ZNF217: variants seen among roughly 807,000 people sequenced by gnomAD.
The protein encoded by ZNF217 is zinc finger protein 217.
In ZNF217, 12 loss-of-function variants were observed where a neutral mutation model predicts 73.3. That is an observed-to-expected ratio of 0.16 (90% CI 0.10 to 0.27). The LOEUF (loss-of-function observed/expected upper bound fraction) is 0.27, where lower values mean the gene tolerates loss of function less well. ZNF217 is among the 10% of genes least tolerant of loss of function. ZNF217 has a pLI of 1.00. For missense variants in ZNF217, 1,195 were observed against 1,327.8 expected, an observed-to-expected ratio of 0.90 and a Z score of 1.55; for synonymous variants, 588 against 516.4, an observed-to-expected ratio of 1.14 and a Z score of -1.88.
chr20:53,592,615 C>G (rs1485437190), intron 1 of ZNF217, among the ~76,000 whole-genome samples: 1 of 147,004 alleles, frequency 6.8e-6, no homozygotes, highest in Non-Finnish European at 1.5e-5. Context: ...TTCTCAAACT[C>G]CCGGGACCCA....
At position 53,576,545 on chromosome 20, in the gene ZNF217, T is replaced by A; in HGVS notation, c.2219A>T (p.His740Leu). The change falls in exon 4 of 6, where the codon CAT (histidine) becomes CTT (leucine). Residue 740 changes from histidine to leucine, a missense_variant. By Grantham distance (99) the His-to-Leu change is moderately conservative. Around this residue, in one of 9 missense-constraint regions of ZNF217, gnomAD observed 649 missense variants for 642.8 expected, o/e 1.01. Transcript: ENST00000371471. ...RLEHKYNPDV[H>L]KNCRNKSLLR... ...CAAGGACTTGTTTCGACAGTTTTTATGAACGTCAGGATTGTATTTATGCTC... is the reference window on the plus strand; with the variant it reads ...CAAGGACTTGTTTCGACAGTTTTTAAGAACGTCAGGATTGTATTTATGCTC... The A allele has an allele frequency of 6.2e-7, 1 of 1,614,266 alleles. No homozygotes were observed. The highest frequency in any genetic ancestry group is 8.5e-7 in the Non-Finnish European group (1 of 1,180,050).
At chr20:53,589,123 G>C (rs1568691984) in intron 1 of ZNF217, among the ~76,000 whole-genome samples, 1 of 152,144 alleles carries the variant, frequency 6.6e-6, no homozygotes, top group Non-Finnish European at 1.5e-5. Context: ...AGACACACCA[G>C]AAAATAATGG....
intron 2 of ZNF217, 50 bp from the exon 3 acceptor site, chr20:53,578,500 G>C (rs900638917): frequency 6.9e-6 from 8 of 1,158,962 alleles, no homozygotes; most frequent in African/African-American, 1.6e-5. Context: ...TGAAGTACCT[G>C]AATAAGGCAT....
In ZNF217 at chr20:53,576,880, C is replaced by T. The variant is rs1292650040; in HGVS notation, c.1884G>A (p.Lys628=). The stretch of plus-strand genomic sequence containing the variant: ...TTGCCTGAGTTTCAACTGCTGATCT[C>T]TTTTTTAACAGGTCCAGGTAAGCAG... The part of the protein sequence containing the change: ...PTPAYLDLLK[K]RSAVETQANN... Residue 628 remains lysine, a synonymous_variant, in exon 4 of 6, where the codon AAG becomes AAA. Transcript: ENST00000371471. 6.2e-7 allele frequency: 1 copy of T among 1,614,172 alleles called. No homozygotes were observed. The highest frequency in any genetic ancestry group is 2.2e-5 in the East Asian group (1 of 44,890).
chr20:53,579,689 C>G (rs1326936194), intron 2 of ZNF217, among the ~76,000 whole-genome samples: 2 of 152,250 alleles, frequency 1.3e-5, no homozygotes, highest in Admixed American at 1.3e-4. Flanking sequence ...CCTGCTCTTT[C>G]AAGCATCACC....
chr20:53,582,452 T>C lies in ZNF217; in HGVS notation c.375A>G (p.Glu125=), dbSNP rs534305664. 20 of 1,614,220 alleles carry C rather than the reference T, an allele frequency of 1.2e-5. No homozygotes were observed. The highest frequency in any genetic ancestry group is 1.4e-5 in the Non-Finnish European group (17 of 1,180,034). The change falls in exon 2 of 6, where the codon GAA becomes GAG. Residue 125 remains glutamate (E), a synonymous_variant. Coordinates refer to ENST00000371471, the MANE Select transcript of ZNF217 (RefSeq NM_006526.3). The surrounding 1 kb of genome is among the most constrained non-coding windows in gnomAD (Gnocchi z 4.8). ...TEPPKEKNCK[E]NEFSCEVCGQ... is the part of the protein sequence containing the mutation. ...CACATACCTCACAGCTAAATTCATT[T>C]TCCTTGCAATTCTTTTCCTTGGGAG...
intron 1 of ZNF217, among the ~76,000 whole-genome samples, chr20:53,585,070 C>T (rs1423302408): frequency 3.8e-5 from 1 of 26,202 alleles, no homozygotes; most frequent in Admixed American, 5.4e-4. Context: ...CCTTATTTAG[C>T]AAAATCAAAG....
intron 4 of ZNF217, among the ~76,000 whole-genome samples, chr20:53,573,562 G>A (rs143115680): frequency 4.1e-4 from 63 of 152,246 alleles, no homozygotes; most frequent in African/African-American, 1.4e-3. Context: ...CGGTTCAAGC[G>A]ATTCTCATGC....
upstream of ZNF217, among the ~76,000 whole-genome samples, chr20:53,594,781 C>G (rs1989010893): frequency 6.6e-6 from 1 of 152,216 alleles, no homozygotes; most frequent in Admixed American, 6.5e-5. Context: ...AAACAAAAAC[C>G]TTAACGCCGT....
At chr20:53,578,523 A>G (rs928591841) in intron 2 of ZNF217, 73 bp from the exon 3 acceptor site, 20 of 902,560 alleles carry the variant, frequency 2.2e-5, no homozygotes, top group Non-Finnish European at 3.1e-5. Context: ...TGACTTAAAT[A>G]TTCTTGACAT....
At position 53,581,621 on chromosome 20, in the gene ZNF217, C is replaced by T. The variant is rs756095949; in HGVS notation, c.1206G>A (p.Arg402=). ...ACATGGTGGGCGACTCCGCGCCGGCCCTCCGGTCCTTCTTGTGGACCCTGG... is the reference window on the plus strand; with the variant it reads ...ACATGGTGGGCGACTCCGCGCCGGCTCTCCGGTCCTTCTTGTGGACCCTGG... ...LHSRVHKKDR[R]AGAESPTMSV... The change falls in exon 2 of 6, where the codon AGG becomes AGA. Residue 402 remains arginine (R), a synonymous_variant. Coordinates refer to ENST00000371471, the MANE Select transcript of ZNF217 (RefSeq NM_006526.3). The surrounding 1 kb of genome is among the most constrained non-coding windows in gnomAD (Gnocchi z 4.9). 6.2e-7 allele frequency: 1 copy of T among 1,614,232 alleles called. No homozygotes were observed. The highest frequency in any genetic ancestry group is 1.1e-5 in the South Asian group (1 of 91,088).
At chr20:53,587,485 A>G (rs1988736315) in intron 1 of ZNF217, among the ~76,000 whole-genome samples, 1 of 152,240 alleles carries the variant, frequency 6.6e-6, no homozygotes, top group Non-Finnish European at 1.5e-5. Flanking sequence ...GAAACAGCAC[A>G]GCCTCTGTTT....
Position 53,577,428 on chromosome 20 carries a change from T to C in ZNF217, c.1484-148A>G, listed in dbSNP as rs150055557. The C allele has an allele frequency of 3.7e-3, 2,711 of 728,772 alleles. 49 individuals are homozygous for C. In the African/African-American group the frequency reaches 0.039, roughly 10 times the overall value. 45.1% of individuals were successfully genotyped at this position (728,772 alleles called of 1,614,324 possible). A position where few individuals can be genotyped will look rare whatever the true frequency, so the allele number is the denominator to read the frequency against. On this transcript the variant is annotated intron_variant, in intron 3 of 5. Transcript: ENST00000371471. ...AGGATTTCTCATCAGTTCTTTATCA[T>C]CCTTACTGTAATGAATATTTGAAAT...
In ZNF217 at chr20:53,567,558, T is replaced by C. The variant is rs1987799631; in HGVS notation, c.*1730A>G. 1 of 152,642 alleles carries C rather than the reference T, an allele frequency of 6.6e-6. No individual in the cohort carries two copies. Among genetic ancestry groups the C allele is most frequent in the Admixed American group, 6.5e-5 (1 of 15,274 alleles). 9.5% of individuals were successfully genotyped at this position (152,642 alleles called of 1,614,324 possible). On this transcript the variant is annotated 3_prime_UTR_variant, in exon 6 of 6. Coordinates refer to ENST00000371471, the MANE Select transcript of ZNF217 (RefSeq NM_006526.3). ...ATGGTTCTAGTCACAGCAAGCTCTC[T>C]GTAACACTCATTGGATTAGGCAAAG...
At position 53,575,941 on chromosome 20, in the gene ZNF217, G is replaced by A. The variant is rs1473531062; in HGVS notation, c.2823C>T (p.Asp941=). Residue 941 remains aspartate, a synonymous_variant, in exon 4 of 6, where the codon GAC becomes GAT. Transcript: ENST00000371471. Reference sequence around the variant, plus strand: ...CTCTGACCATATGGTACTTGGGAAGGTCATAGCCTCTTCTGTAATTGGCCC... The same window carrying A: ...CTCTGACCATATGGTACTTGGGAAGATCATAGCCTCTTCTGTAATTGGCCC... The part of the protein sequence containing the change: ...QPGANYRRGY[D]LPKYHMVRGI... 1.2e-6 allele frequency: 2 copies of A among 1,614,070 alleles called. No homozygotes were observed. Among genetic ancestry groups the A allele is most frequent in the Non-Finnish European group, 1.7e-6 (2 of 1,180,046 alleles).
chr20:53,579,685 C>A (rs114865245), intron 2 of ZNF217, among the ~76,000 whole-genome samples: 1,716 of 152,338 alleles, frequency 0.011, 32 homozygotes, highest in African/African-American at 0.039. Context: ...GGTTCCTGCT[C>A]TTTCAAGCAT....
chr20:53,597,350 G>T (rs1426460850), upstream of ZNF217, among the ~76,000 whole-genome samples: 1 of 152,134 alleles, frequency 6.6e-6, no homozygotes, highest in Non-Finnish European at 1.5e-5. Context: ...AAAAACTGCA[G>T]TGAGGAGTTA....
chr20:53,596,836 G>A (rs1029050984), upstream of ZNF217, among the ~76,000 whole-genome samples: 2 of 151,818 alleles, frequency 1.3e-5, no homozygotes, highest in African/African-American at 2.4e-5. Context: ...CTCTGCACAT[G>A]GTACTTGGAG....
At chr20:53,585,044 G>GT (rs369063691) in intron 1 of ZNF217, among the ~76,000 whole-genome samples, 132 of 63,718 alleles carry the variant, frequency 2.1e-3, no homozygotes, top group East Asian at 4.2e-3. Flanking sequence ...GAGTTTTTTG[G>GT]TTTTTTTTTT....
Sources: allele counts gnomAD v4.1 joint callset (sites outside exome capture counted in the v4.1 genomes callset), GRCh38; gene constraint gnomAD v4.1.1; regional missense constraint gnomAD v4.1.1; non-coding constraint Gnocchi (gnomAD v3.1); transcripts MANE v1.5; gene names NCBI Gene and HGNC (gene_info 2026-07-23, HGNC 2026-07-21).